Variants in PDS5A observed in about 807,000 individuals in gnomAD.
PDS5A encodes the protein sister chromatid cohesion protein PDS5 homolog A.
PDS5A carries 42 observed loss-of-function variants against 167.1 expected under a neutral mutation model. That is an observed-to-expected ratio of 0.25 (90% confidence interval 0.20 to 0.33). The LOEUF (loss-of-function observed/expected upper bound fraction) is 0.33. Among genes scored for constraint, PDS5A ranks in the 10% least tolerant of loss-of-function variants. PDS5A has a pLI of 1.00. For missense variants in PDS5A, 1,033 were observed against 1,605.9 expected, an observed-to-expected ratio of 0.64 and a Z score of 6.10; for synonymous variants, 553 against 554.6, an observed-to-expected ratio of 1.00 and a Z score of 0.04.
rs189004103 is a variant in PDS5A at position 39,843,135 on chromosome 4, A to G, written c.3549-1079T>C. ...AGTGATTATCCTTCCTCGGCCTCCC[A>G]AAGTGCTGGGATTACAGGTGTGAGC... On this transcript the variant is annotated intron_variant, in intron 30 of 32. Coordinates refer to ENST00000303538, the MANE Select transcript of PDS5A (RefSeq NM_001100399.2). Among the ~76,000 whole-genome samples the G allele has an allele frequency of 3.0e-3, 455 of 151,562 alleles. 1 individual carries two copies. The highest frequency in any genetic ancestry group is 0.011 in the South Asian group (51 of 4,762).
intron 26 of PDS5A, among the ~76,000 whole-genome samples, chr4:39,859,998 C>G (rs933769403): frequency 1.3e-5 from 2 of 151,966 alleles, no homozygotes; most frequent in Admixed American, 6.6e-5. Flanking sequence ...ATTTGGGAGA[C>G]CAAGGTGGGA....
At chr4:39,973,897 G>A (rs12512058) in intron 2 of PDS5A, 170,877 of 681,356 alleles carry the variant, frequency 0.25, 24,046 homozygotes, top group Admixed American at 0.31. Flanking sequence ...AGGCCAAGAG[G>A]GGCAGATCAC....
intron 11 of PDS5A, among the ~76,000 whole-genome samples, chr4:39,907,091 T>C (rs938560792): frequency 5.3e-5 from 8 of 152,142 alleles, no homozygotes; most frequent in Non-Finnish European, 1.2e-4. Context: ...GTTAGGAAGA[T>C]TCATTTATTC....
At chr4:39,972,893 T>G (rs920046019) in intron 2 of PDS5A, among the ~76,000 whole-genome samples, 37 of 148,568 alleles carry the variant, frequency 2.5e-4, no homozygotes, top group African/African-American at 9.0e-4. Flanking sequence ...TCTTTATATT[T>G]TATTATTTTT....
At chr4:39,896,458 T>C (rs1237641645) in intron 16 of PDS5A, among the ~76,000 whole-genome samples, 3 of 151,740 alleles carry the variant, frequency 2.0e-5, no homozygotes, top group Middle Eastern at 3.4e-3. Flanking sequence ...CTTATTCTAC[T>C]AGCTTCTTCC....
intron 19 of PDS5A, among the ~76,000 whole-genome samples, chr4:39,876,196 TGTCA>T (rs1201492078): frequency 6.6e-6 from 1 of 152,190 alleles, no homozygotes; most frequent in Non-Finnish European, 1.5e-5. Flanking sequence ...TATCCTATTG[TGTCA>T]GTGATCTTTT....
At chr4:39,830,204 CTAA>C (rs777232259) in intron 32 of PDS5A, among the ~76,000 whole-genome samples, 33 of 151,982 alleles carry the variant, frequency 2.2e-4, no homozygotes, top group Admixed American at 6.6e-4. Flanking sequence ...ACTGTCACTA[CTAA>C]TACAGATGCC....
At chr4:39,935,423 T>C (rs1726503747) in intron 2 of PDS5A, among the ~76,000 whole-genome samples, 1 of 152,252 alleles carries the variant, frequency 6.6e-6, no homozygotes, top group African/African-American at 2.4e-5. Flanking sequence ...GGAAAAGTTT[T>C]ATAGTTTTAG....
chr4:39,834,575 A>C (rs1467982785), intron 32 of PDS5A, among the ~76,000 whole-genome samples: 1 of 152,182 alleles, frequency 6.6e-6, no homozygotes, highest in Non-Finnish European at 1.5e-5. Flanking sequence ...ATTTTTAAAG[A>C]GTGCCAATTT....
Position 39,977,769 on chromosome 4 carries a change from GC to G in PDS5A, c.-354del, listed in dbSNP as rs1206306859. On this transcript the variant is annotated 5_prime_UTR_variant, in exon 1 of 33. Coordinates refer to ENST00000303538, the MANE Select transcript of PDS5A (RefSeq NM_001100399.2). This position sits in a 1 kb window ranked among gnomAD's most constrained non-coding sequence, Gnocchi z 4.2. ...TGTCCGTCCGGGACCCCCGCGGCCC[GC>G]CCGCACGCACCTCGCGCCGGCCCGG... is the stretch of plus-strand genomic sequence containing the variant. 1.3e-5 allele frequency: 2 copies of G among 149,170 alleles called. No homozygotes were observed. The highest frequency in any genetic ancestry group is 1.3e-4 in the Admixed American group (2 of 15,020). The allele number at this position is 149,170 out of a possible 1,614,324, so 9.2% of individuals were successfully genotyped here.
Position 39,900,409 on chromosome 4 carries a change from A to G in PDS5A, c.1581+17T>C. Reference sequence around the variant, plus strand: ...TGACTATAATAAACTATGAATTTAAACAAATCATGAACCTACTGTAGGCTG... The same window carrying G: ...TGACTATAATAAACTATGAATTTAAGCAAATCATGAACCTACTGTAGGCTG... On this transcript the variant is annotated intron_variant, in intron 14 of 32. Transcript: ENST00000303538. 1 of 1,514,020 alleles carries G rather than the reference A, an allele frequency of 6.6e-7. No homozygotes were observed. 93.8% of individuals were successfully genotyped at this position (1,514,020 alleles called of 1,614,324 possible). A position where few individuals can be genotyped will look rare whatever the true frequency, so the allele number is the denominator to read the frequency against.
At chr4:39,845,339 T>C (rs962322183) in intron 29 of PDS5A, among the ~76,000 whole-genome samples, 1 of 152,064 alleles carries the variant, frequency 6.6e-6, no homozygotes, top group African/African-American at 2.4e-5. Flanking sequence ...AATACAAAGT[T>C]CCCCTAAAAT....
intron 13 of PDS5A, among the ~76,000 whole-genome samples, chr4:39,900,865 G>T (rs762900918): frequency 6.6e-6 from 1 of 151,666 alleles, no homozygotes; most frequent in Non-Finnish European, 1.5e-5. Context: ...CACAAGGCAT[G>T]TGTGTGGAGC....
rs1412089471 is a variant in PDS5A at position 39,862,738 on chromosome 4, A to G, written c.2971+131T>C. 1.4e-5 allele frequency: 9 copies of G among 632,484 alleles called. No homozygotes were observed. The East Asian group carries it at 2.5e-4, about 17-fold the overall frequency. 39.2% of individuals were successfully genotyped at this position (632,484 alleles called of 1,614,324 possible). On this transcript the variant is annotated intron_variant, in intron 25 of 32. Transcript: ENST00000303538. ...CAGTTTTTAAGTACATCATAACTACAATGACAGCATTCTATAAAACTCCCA... is the reference window on the plus strand; with the variant it reads ...CAGTTTTTAAGTACATCATAACTACGATGACAGCATTCTATAAAACTCCCA...
chr4:39,935,208 T>G (rs1726480364), intron 2 of PDS5A, among the ~76,000 whole-genome samples: 1 of 152,134 alleles, frequency 6.6e-6, no homozygotes, highest in Non-Finnish European at 1.5e-5. Flanking sequence ...CTCGGCTCAA[T>G]GCAACCTCCT....
At chr4:39,848,341 A>C (rs1717821888) in intron 28 of PDS5A, 1 of 152,710 alleles carries the variant, frequency 6.5e-6, no homozygotes, top group African/African-American at 2.4e-5. Context: ...CTTACATGGG[A>C]AACAGTTTGC....
At chr4:39,893,764 T>C (rs1307056063) in intron 16 of PDS5A, among the ~76,000 whole-genome samples, 1 of 152,212 alleles carries the variant, frequency 6.6e-6, no homozygotes, top group Non-Finnish European at 1.5e-5. Context: ...ACTTTACGTA[T>C]GAGAACACAT....
chr4:39,871,711 A>AT lies in PDS5A; in HGVS notation c.2436+1274dup, dbSNP rs1553893410. Among the ~76,000 whole-genome samples the AT allele has an allele frequency of 3.3e-5, 5 of 152,092 alleles. No individual in the cohort carries two copies. In the East Asian group the frequency reaches 9.7e-4, roughly 29 times the overall value. On this transcript the variant is annotated intron_variant, in intron 21 of 32. Transcript: ENST00000303538. ...AAAGCAGTGATTCTTTTATTTATTTATTTATTTTTTTGAGACAGTCTTGCT... is the reference window on the plus strand; with the variant it reads ...AAAGCAGTGATTCTTTTATTTATTTATTTTATTTTTTTGAGACAGTCTTGCT...
At chr4:39,834,452 C>T (rs1007154693) in intron 32 of PDS5A, among the ~76,000 whole-genome samples, 1 of 152,190 alleles carries the variant, frequency 6.6e-6, no homozygotes, top group African/African-American at 2.4e-5. Context: ...GCTCATTCCT[C>T]TCATCAGACA....
Sources: allele counts gnomAD v4.1 joint callset (sites outside exome capture counted in the v4.1 genomes callset), GRCh38; gene constraint gnomAD v4.1.1; non-coding constraint Gnocchi (gnomAD v3.1); transcripts MANE v1.5; gene names NCBI Gene and HGNC (gene_info 2026-07-23, HGNC 2026-07-21).